CSTPP1: variants seen among roughly 807,000 people sequenced by gnomAD.
CSTPP1 encodes UPF0705 protein C11orf49.
the CSTPP1 span, among the ~76,000 whole-genome samples, chr11:47,125,254 C>T: frequency 1.3e-5 from 2 of 152,120 alleles, no homozygotes; most frequent in South Asian, 2.1e-4. Context: ...CTGTTCCTTA[C>T]GTCTGTTTTT....
the CSTPP1 span, among the ~76,000 whole-genome samples, chr11:47,115,969 C>T: frequency 6.6e-6 from 1 of 152,112 alleles, no homozygotes; most frequent in African/African-American, 2.4e-5. Flanking sequence ...CTATAAATTT[C>T]CCTCTACACA....
the CSTPP1 span, among the ~76,000 whole-genome samples, chr11:47,102,989 GA>G: frequency 4.1e-5 from 5 of 120,536 alleles, no homozygotes; most frequent in Non-Finnish European, 6.6e-5. Context: ...GTGCCTCACA[GA>G]AAAAAAAAAA....
At chr11:46,979,326 G>A in the CSTPP1 span, among the ~76,000 whole-genome samples, 1 of 151,804 alleles carries the variant, frequency 6.6e-6, no homozygotes, top group Non-Finnish European at 1.5e-5. Flanking sequence ...AAACATGAGT[G>A]GCATATGATT....
At chr11:46,979,144 C>T in the CSTPP1 span, among the ~76,000 whole-genome samples, 1 of 152,106 alleles carries the variant, frequency 6.6e-6, no homozygotes, top group Non-Finnish European at 1.5e-5. Context: ...TTTAAAGAGA[C>T]AGGAGTCCTA....
At chr11:47,075,167 T>G in the CSTPP1 span, among the ~76,000 whole-genome samples, 2 of 151,768 alleles carry the variant, frequency 1.3e-5, no homozygotes, top group African/African-American at 4.8e-5. Flanking sequence ...AGGTCAGGAG[T>G]TCGAGACCAG....
the CSTPP1 span, among the ~76,000 whole-genome samples, chr11:47,140,069 TG>T: frequency 6.6e-6 from 1 of 152,158 alleles, no homozygotes; most frequent in South Asian, 2.1e-4. Flanking sequence ...AGCCTCACGG[TG>T]GGGCACGGTG....
At chr11:46,951,990 C>G in the CSTPP1 span, among the ~76,000 whole-genome samples, 10 of 152,122 alleles carry the variant, frequency 6.6e-5, no homozygotes, top group Non-Finnish European at 1.5e-5. Flanking sequence ...TTGTTTGGCG[C>G]TTCAGGTGGT....
the CSTPP1 span, among the ~76,000 whole-genome samples, chr11:47,087,187 T>C: frequency 1.3e-5 from 2 of 152,176 alleles, no homozygotes. Context: ...CATAAGAGCA[T>C]TGATAGCAGG....
chr11:47,021,529 T>G, the CSTPP1 span, among the ~76,000 whole-genome samples: 2 of 151,768 alleles, frequency 1.3e-5, no homozygotes, highest in Non-Finnish European at 2.9e-5. Context: ...GCAGGGGGAG[T>G]CCTTAATTCC....
chr11:46,962,818 A>G, the CSTPP1 span, among the ~76,000 whole-genome samples: 2 of 152,110 alleles, frequency 1.3e-5, no homozygotes. Context: ...CCTGGGCTTG[A>G]TGGTGCTCAC....
At chr11:47,031,066 C>G in the CSTPP1 span, among the ~76,000 whole-genome samples, 1 of 152,192 alleles carries the variant, frequency 6.6e-6, no homozygotes, top group Non-Finnish European at 1.5e-5. Context: ...TTAATTCTTT[C>G]TTGGTAGTCC....
chr11:47,070,002 C>T, the CSTPP1 span, among the ~76,000 whole-genome samples: 21 of 152,182 alleles, frequency 1.4e-4, no homozygotes, highest in Admixed American at 1.4e-3. Flanking sequence ...CATGAGCCAC[C>T]GCACCCGGCC....
chr11:47,012,125 T>G, the CSTPP1 span, among the ~76,000 whole-genome samples: 1 of 150,350 alleles, frequency 6.7e-6, no homozygotes, highest in African/African-American at 2.4e-5. Context: ...AAAAAAAAAT[T>G]AGCCAGGCTT....
At chr11:46,998,742 T>G in the CSTPP1 span, among the ~76,000 whole-genome samples, 8 of 152,004 alleles carry the variant, frequency 5.3e-5, no homozygotes, top group African/African-American at 9.7e-5. Flanking sequence ...GTTTTGTTTT[T>G]TTTTGTTTTT....
At chr11:47,159,111 C>A in the CSTPP1 span, among the ~76,000 whole-genome samples, 1 of 152,352 alleles carries the variant, frequency 6.6e-6, no homozygotes, top group East Asian at 1.9e-4. Flanking sequence ...GCATGCCACC[C>A]ACAGCCTGGT....
chr11:47,147,916 C>T, the CSTPP1 span, among the ~76,000 whole-genome samples: 12 of 151,994 alleles, frequency 7.9e-5, no homozygotes, highest in Non-Finnish European at 1.5e-4. Flanking sequence ...CTATTATTAT[C>T]ATCATCATCA....
At chr11:46,970,157 AAGT>A in the CSTPP1 span, among the ~76,000 whole-genome samples, 1 of 152,120 alleles carries the variant, frequency 6.6e-6, no homozygotes, top group African/African-American at 2.4e-5. Flanking sequence ...TGCTGATTAT[AAGT>A]ATAAATTTAC....
At chr11:47,122,068 T>TAAAAAA in the CSTPP1 span, among the ~76,000 whole-genome samples, 5 of 5,282 alleles carry the variant, frequency 9.5e-4, no homozygotes, top group African/African-American at 6.0e-3. Flanking sequence ...AGACCCTGTC[T>TAAAAAA]CAAAAAAAAA....
chr11:46,964,289 CTTT>C, the CSTPP1 span, among the ~76,000 whole-genome samples: 4 of 141,854 alleles, frequency 2.8e-5, no homozygotes, highest in African/African-American at 5.3e-5. Flanking sequence ...CTCTCTCTCT[CTTT>C]TTTTTTTTTT....
Sources: allele counts gnomAD v4.1 joint callset (sites outside exome capture counted in the v4.1 genomes callset), GRCh38; gene constraint gnomAD v4.1.1; transcripts MANE v1.5; gene names NCBI Gene and HGNC (gene_info 2026-07-23, HGNC 2026-07-21).